AFF2: variants seen among roughly 807,000 people sequenced by gnomAD.
AFF2 encodes the protein AF4/FMR2 family member 2.
Under a neutral mutation model 76.9 loss-of-function variants are expected in AFF2, and 14 were observed. The observed-to-expected ratio is 0.18, with a 90% CI of 0.12 to 0.28. AFF2 has a LOEUF of 0.28. Among genes scored for constraint, AFF2 ranks in the 10% least tolerant of loss-of-function variants. The pLI is 1.00. For missense variants in AFF2, 868 were observed against 1,001.1 expected, an observed-to-expected ratio of 0.87 and a Z score of 1.79; for synonymous variants, 398 against 366.7, an observed-to-expected ratio of 1.09 and a Z score of -0.98.
At chrX:148,672,263 T>C (rs1383662494) in intron 3 of AFF2, among the ~76,000 whole-genome samples, 5 of 112,597 alleles carry the variant, frequency 4.4e-5, no homozygotes, top group Non-Finnish European at 9.4e-5. Context: ...GAGTTTATAA[T>C]ACAGGTGCCA....
Position 148,992,237 on chromosome X carries a change from C to T in AFF2, c.*905C>T, listed in dbSNP as rs1222445159. ...AAAGTGTCCAACAAGGAATTCACAC[C>T]TCTGCCTCCTTTGCAACAACAACAT... On this transcript the variant is annotated 3_prime_UTR_variant, in exon 21 of 21. Coordinates refer to ENST00000370460, the MANE Select transcript of AFF2 (RefSeq NM_002025.4). 8.9e-6 allele frequency: 1 copy of T among 112,040 alleles called. No homozygotes were observed. The highest frequency in any genetic ancestry group is 2.8e-4 in the East Asian group (1 of 3,560). 9.2% of individuals were successfully genotyped at this position (112,040 alleles called of 1,213,427 possible).
chrX:148,643,512 G>A lies in AFF2; in HGVS notation c.48-8487G>A, dbSNP rs782096594. On this transcript the variant is annotated intron_variant, in intron 1 of 20. Coordinates refer to ENST00000370460, the MANE Select transcript of AFF2 (RefSeq NM_002025.4). Reference sequence around the variant, plus strand: ...CCATATGAAGTGATAGTGAAGCCTCGTTTTTAATTAATAGGTCAGAACTAA... The same window carrying A: ...CCATATGAAGTGATAGTGAAGCCTCATTTTTAATTAATAGGTCAGAACTAA... Among the ~76,000 whole-genome samples the A allele has an allele frequency of 5.6e-4, 62 of 111,617 alleles. 1 individual carries two copies. The highest frequency in any genetic ancestry group is 1.8e-3 in the African/African-American group (55 of 30,765).
chrX:148,550,351 C>T (rs2052975971), intron 1 of AFF2, among the ~76,000 whole-genome samples: 1 of 111,670 alleles, frequency 9.0e-6, no homozygotes, highest in African/African-American at 3.2e-5. Flanking sequence ...AAAAATCAGT[C>T]CAAATTTTTA....
chrX:148,868,303 C>A (rs2070932081), intron 7 of AFF2, among the ~76,000 whole-genome samples: 1 of 111,970 alleles, frequency 8.9e-6, no homozygotes, highest in Non-Finnish European at 1.9e-5. Context: ...CAAAAATCTG[C>A]AGACTCCATG....
At chrX:148,945,909 G>T (rs1412296924) in intron 9 of AFF2, among the ~76,000 whole-genome samples, 1 of 111,791 alleles carries the variant, frequency 8.9e-6, no homozygotes, top group African/African-American at 3.3e-5. Context: ...GGAAAATGCA[G>T]CTGTCTAGAT....
intron 9 of AFF2, among the ~76,000 whole-genome samples, chrX:148,926,541 A>G (rs1260236327): frequency 2.7e-5 from 3 of 111,682 alleles, no homozygotes; most frequent in Admixed American, 9.5e-5. Flanking sequence ...TGTGAAATCA[A>G]TTTCATTGCA....
chrX:148,924,301 G>A (rs1236819251), intron 9 of AFF2, among the ~76,000 whole-genome samples: 1 of 111,911 alleles, frequency 8.9e-6, no homozygotes, highest in Non-Finnish European at 1.9e-5. Flanking sequence ...ACAATAGTGA[G>A]ATAGTGAGAT....
At chrX:148,642,274 G>C (rs782109479) in intron 1 of AFF2, among the ~76,000 whole-genome samples, 5 of 112,478 alleles carry the variant, frequency 4.4e-5, no homozygotes, top group African/African-American at 6.5e-5. Flanking sequence ...AGGGTTTGTT[G>C]AGATGTGAAA....
chrX:148,854,030 C>A (rs1277684190), intron 7 of AFF2, among the ~76,000 whole-genome samples: 1 of 111,848 alleles, frequency 8.9e-6, no homozygotes, highest in African/African-American at 3.2e-5. Flanking sequence ...TTTTATGCAG[C>A]GCTTTAAAAT....
chrX:148,906,385 G>C (rs782225102), intron 9 of AFF2, among the ~76,000 whole-genome samples: 4 of 111,550 alleles, frequency 3.6e-5, no homozygotes, highest in South Asian at 7.7e-4. Flanking sequence ...CCCATTGAGA[G>C]GGGGACTGAG....
At chrX:148,912,634 GA>G (rs1178503948) in intron 9 of AFF2, among the ~76,000 whole-genome samples, 1 of 112,162 alleles carries the variant, frequency 8.9e-6, no homozygotes, top group African/African-American at 3.2e-5. Flanking sequence ...TCTAAAAAAA[GA>G]AAATGAATTG....
Position 148,531,719 on chromosome X carries a change from T to C in AFF2, c.47+30575T>C, listed in dbSNP as rs1444708239. 7.1e-5 allele frequency among the ~76,000 whole-genome samples: 8 copies of C among 112,315 alleles called. No individual in the cohort carries two copies. In the Admixed American group the frequency reaches 7.5e-4, roughly 11 times the overall value. Reference sequence around the variant, plus strand: ...TGTTTGTAAATGTATACAGCATCTATCTGTCTATATGTTAAGTTGGAAGTA... The same window carrying C: ...TGTTTGTAAATGTATACAGCATCTACCTGTCTATATGTTAAGTTGGAAGTA... On this transcript the variant is annotated intron_variant, in intron 1 of 20. Transcript: ENST00000370460.
chrX:148,752,310 C>T (rs1557266547), intron 3 of AFF2, among the ~76,000 whole-genome samples: 1 of 112,002 alleles, frequency 8.9e-6, no homozygotes, highest in Non-Finnish European at 1.9e-5. Context: ...CTTTTATCTG[C>T]TGCTGGGCTT....
chrX:148,905,945 C>T (rs1353768525), intron 9 of AFF2, among the ~76,000 whole-genome samples: 1 of 112,603 alleles, frequency 8.9e-6, no homozygotes, highest in Non-Finnish European at 1.9e-5. Context: ...AAAGAAGGAA[C>T]AGAAACTAGA....
intron 9 of AFF2, among the ~76,000 whole-genome samples, chrX:148,935,770 C>T (rs2071768000): frequency 9.0e-6 from 1 of 110,650 alleles, no homozygotes; most frequent in African/African-American, 3.3e-5. Context: ...GATATAAAGG[C>T]AAATATCAAG....
chrX:148,501,048 C>T lies in AFF2; in HGVS notation c.-50C>T, dbSNP rs781817516. Reference sequence around the variant, plus strand: ...CGAGCTGTGCCGAGAGCCGCGCCGACCCGCTGCGATCAGGGACAGGCGCCC... The same window carrying T: ...CGAGCTGTGCCGAGAGCCGCGCCGATCCGCTGCGATCAGGGACAGGCGCCC... On this transcript the variant is annotated 5_prime_UTR_variant, in exon 1 of 21. Transcript: ENST00000370460. 14 of 1,196,514 alleles carry T rather than the reference C, an allele frequency of 1.2e-5. No individual in the cohort carries two copies. The South Asian group carries it at 1.6e-4, about 14-fold the overall frequency.
intron 2 of AFF2, among the ~76,000 whole-genome samples, chrX:148,659,140 A>C (rs782476917): frequency 8.9e-6 from 1 of 111,947 alleles, no homozygotes; most frequent in African/African-American, 3.2e-5. Context: ...AGTGTTAGAC[A>C]TTGGCCAGTT....
At chrX:148,819,007 G>A (rs782511843) in intron 4 of AFF2, among the ~76,000 whole-genome samples, 1 of 111,028 alleles carries the variant, frequency 9.0e-6, no homozygotes, top group South Asian at 3.8e-4. Context: ...ACTAATAGTA[G>A]TACCACTTAC....
intron 9 of AFF2, among the ~76,000 whole-genome samples, chrX:148,912,337 C>T (rs781793729): frequency 8.7e-4 from 97 of 111,449 alleles, no homozygotes; most frequent in African/African-American, 3.0e-3. Context: ...CCTGTGTCCA[C>T]GTGTTCTCAT....
Sources: gnomAD v4.1 joint callset for allele counts (sites outside exome capture counted in the v4.1 genomes callset) on GRCh38, gnomAD v4.1.1 for gene constraint, MANE v1.5 for transcripts, NCBI Gene and HGNC (gene_info 2026-07-23, HGNC 2026-07-21) for gene names.